Variants in ADAM12 observed in about 807,000 individuals in gnomAD.
ADAM12 encodes disintegrin and metalloproteinase domain-containing protein 12.
A neutral mutation model predicts 106.4 loss-of-function variants in ADAM12; 70 were observed. That is an observed-to-expected ratio of 0.66 (90% CI 0.54 to 0.80). The LOEUF is 0.80. ADAM12 is among the 30% of genes least tolerant of loss of function. The pLI is 0.00. For missense variants in ADAM12, 1,010 were observed against 1,171.9 expected (o/e 0.86, Z 2.02); for synonymous variants, 420 against 433.5 (o/e 0.97, Z 0.39).
At chr10:126,375,984 C>T (rs889964661) in intron 1 of ADAM12, among the ~76,000 whole-genome samples, 2 of 151,156 alleles carry the variant, frequency 1.3e-5, no homozygotes, top group African/African-American at 4.9e-5. Flanking sequence ...CAAGTAATCC[C>T]CCCTCCCCAC....
At chr10:126,018,404 C>T (rs1441904312) in intron 22 of ADAM12, among the ~76,000 whole-genome samples, 4 of 152,138 alleles carry the variant, frequency 2.6e-5, no homozygotes, top group Non-Finnish European at 4.4e-5. Flanking sequence ...GTAAATACTC[C>T]TCCTGTGGCT....
chr10:126,209,217 C>A lies in ADAM12; in HGVS notation c.261-53912G>T, dbSNP rs1046751374. Among the ~76,000 whole-genome samples the A allele has an allele frequency of 2.0e-5, 3 of 152,178 alleles. No individual in the cohort carries two copies. In the South Asian group the frequency reaches 6.2e-4, roughly 32 times the overall value. On this transcript the variant is annotated intron_variant, in intron 3 of 22. Transcript: ENST00000448723. ...ACTTCCAGAAAATGTAGACTGTTCA[C>A]ATCTTGATGAAAAGGGGTAAAAAGC...
Position 126,049,101 on chromosome 10 carries a change from G to T in ADAM12, c.1917+152C>A. 1 of 1,033,318 alleles carries T rather than the reference G, an allele frequency of 9.7e-7. No individual in the cohort carries two copies. Among genetic ancestry groups the T allele is most frequent in the Non-Finnish European group, 1.4e-6 (1 of 696,070 alleles). The allele number at this position is 1,033,318 out of a possible 1,614,324, so 64.0% of individuals were successfully genotyped here. On this transcript the variant is annotated intron_variant, in intron 16 of 22. Transcript: ENST00000448723. The surrounding 1 kb of genome is among the most constrained non-coding windows in gnomAD (Gnocchi z 4.4). ...ATCTGCATTTTAATAGTCAGACCAG[G>T]ATCTAGGATTTATTGACTTTTTCTT...
At chr10:126,174,486 G>T (rs1957181425) in intron 3 of ADAM12, among the ~76,000 whole-genome samples, 1 of 151,902 alleles carries the variant, frequency 6.6e-6, no homozygotes, top group African/African-American at 2.4e-5. Flanking sequence ...CTTGCATTAG[G>T]GTGTCGTGTC....
chr10:126,268,007 C>T (rs2366472), intron 3 of ADAM12, among the ~76,000 whole-genome samples: 18,786 of 152,112 alleles, frequency 0.12, 1,489 homozygotes, highest in African/African-American at 0.21. Context: ...TTTGCAATTG[C>T]ATAATTCAGT....
chr10:126,344,363 T>C (rs1336586892), intron 1 of ADAM12, among the ~76,000 whole-genome samples: 1 of 152,206 alleles, frequency 6.6e-6, no homozygotes, highest in Non-Finnish European at 1.5e-5. Flanking sequence ...GAGGGCTCTG[T>C]TCTGTTCCAT....
At chr10:126,357,031 C>T (rs1406604108) in intron 1 of ADAM12, among the ~76,000 whole-genome samples, 1 of 152,020 alleles carries the variant, frequency 6.6e-6, no homozygotes. Flanking sequence ...AAAAAGGGGC[C>T]ACATAATACA....
rs115492395 is a variant in ADAM12 at position 126,178,490 on chromosome 10, C to T, written c.261-23185G>A. 3.5e-3 allele frequency among the ~76,000 whole-genome samples: 485 copies of T among 140,550 alleles called. 3 individuals are homozygous for T. The highest frequency in any genetic ancestry group is 0.012 in the African/African-American group (458 of 37,470). The allele number at this position is 140,550 out of a possible 152,430, so 92.2% of individuals were successfully genotyped here. On this transcript the variant is annotated intron_variant, in intron 3 of 22. Transcript: ENST00000448723. ...GCAATTGAAACATTACACAAATTGTCAAACTCTCTTTCATATAAAAGAGCA... is the reference window on the plus strand; with the variant it reads ...GCAATTGAAACATTACACAAATTGTTAAACTCTCTTTCATATAAAAGAGCA...
intron 5 of ADAM12, among the ~76,000 whole-genome samples, chr10:126,119,302 T>A (rs755501668): frequency 3.3e-5 from 5 of 152,196 alleles, no homozygotes; most frequent in Non-Finnish European, 7.3e-5. Flanking sequence ...CTTTGAGCCC[T>A]GGTTTCTTCA....
chr10:126,041,524 A>C, intron 18 of ADAM12: 1 of 985,724 alleles, frequency 1.0e-6, no homozygotes, highest in Non-Finnish European at 1.2e-6. Flanking sequence ...TCCACAGCAA[A>C]GAGCCAGAGT....
At chr10:126,276,950 T>C (rs987650500) in intron 3 of ADAM12, among the ~76,000 whole-genome samples, 2 of 152,160 alleles carry the variant, frequency 1.3e-5, no homozygotes, top group African/African-American at 2.4e-5. Flanking sequence ...GACAAGGCTA[T>C]TAAGTCACAT....
At chr10:126,357,346 C>G (rs144130658) in intron 1 of ADAM12, among the ~76,000 whole-genome samples, 4 of 152,116 alleles carry the variant, frequency 2.6e-5, no homozygotes, top group South Asian at 4.1e-4. Flanking sequence ...AAACTCCTGT[C>G]TACCAGGAAT....
At chr10:126,258,618 C>A (rs553214603) in intron 3 of ADAM12, among the ~76,000 whole-genome samples, 1 of 152,288 alleles carries the variant, frequency 6.6e-6, no homozygotes, top group Non-Finnish European at 1.5e-5. Flanking sequence ...CCTTGGTCTC[C>A]CTTTTTTATT....
intron 11 of ADAM12, among the ~76,000 whole-genome samples, chr10:126,078,379 C>T (rs1590378207): frequency 6.6e-6 from 1 of 152,160 alleles, no homozygotes; most frequent in African/African-American, 2.4e-5. Flanking sequence ...GATGTGCCCA[C>T]CCTCCTATCT....
intron 1 of ADAM12, among the ~76,000 whole-genome samples, chr10:126,346,200 C>T (rs1226569902): frequency 2.0e-5 from 3 of 151,782 alleles, no homozygotes; most frequent in Non-Finnish European, 4.4e-5. Flanking sequence ...TGAATGTGTC[C>T]CAGAGATTCT....
At chr10:126,248,732 CAG>C (rs1425661269) in intron 3 of ADAM12, among the ~76,000 whole-genome samples, 2 of 148,228 alleles carry the variant, frequency 1.3e-5, no homozygotes, top group Non-Finnish European at 3.0e-5. Flanking sequence ...TATTTTGAGA[CAG>C]AGTCTCTGTC....
intron 1 of ADAM12, among the ~76,000 whole-genome samples, chr10:126,386,660 T>C (rs937173440): frequency 2.0e-5 from 3 of 152,250 alleles, no homozygotes; most frequent in Middle Eastern, 3.4e-3. Flanking sequence ...CTGGATTTAA[T>C]AAACATTTTC....
intron 1 of ADAM12, among the ~76,000 whole-genome samples, chr10:126,339,568 C>T (rs1198178989): frequency 6.6e-6 from 1 of 152,162 alleles, no homozygotes; most frequent in Non-Finnish European, 1.5e-5. Flanking sequence ...TGCAGGTTCT[C>T]CCTCTTTCAA....
chr10:126,279,264 AAT>A (rs901484535), intron 2 of ADAM12, among the ~76,000 whole-genome samples: 1 of 143,292 alleles, frequency 7.0e-6, no homozygotes, highest in African/African-American at 3.0e-5. Flanking sequence ...AAAAAGTAAA[AAT>A]AAAAAAAATC....
Sources: allele counts gnomAD v4.1 joint callset (sites outside exome capture counted in the v4.1 genomes callset), GRCh38; gene constraint gnomAD v4.1.1; non-coding constraint Gnocchi (gnomAD v3.1); transcripts MANE v1.5; gene names NCBI Gene and HGNC (gene_info 2026-07-23, HGNC 2026-07-21).